ZSWIM5: variants seen among roughly 807,000 people sequenced by gnomAD.
The protein encoded by ZSWIM5 is zinc finger SWIM-type containing 5.
A neutral mutation model predicts 119.6 loss-of-function variants in ZSWIM5; 55 were observed. The observed-to-expected ratio is 0.46, with a 90% CI of 0.37 to 0.58. ZSWIM5 has a LOEUF of 0.58. ZSWIM5 is among the 20% of genes least tolerant of loss of function. ZSWIM5 has a pLI of 0.00. For synonymous variants in ZSWIM5, 537 were observed against 606.9 expected (o/e 0.88, Z 1.69); for missense variants, 1,193 against 1,512.8 (o/e 0.79, Z 3.51).
At chr1:45,079,005 A>C (rs1645271987) in intron 2 of ZSWIM5, among the ~76,000 whole-genome samples, 1 of 152,148 alleles carries the variant, frequency 6.6e-6, no homozygotes, top group African/African-American at 2.4e-5. Flanking sequence ...AGAAGTGAAA[A>C]TGGCTGGTTC....
Position 45,206,015 on chromosome 1 carries a change from G to A in ZSWIM5, c.336C>T (p.Tyr112=). Reference sequence around the variant, plus strand: ...GGCCGCCCCGGTACTGGAAGCTGGAGTACATGCAGATCTCCCGCTCATTCC... The same window carrying A: ...GGCCGCCCCGGTACTGGAAGCTGGAATACATGCAGATCTCCCGCTCATTCC... ...FPRNEREICM[Y]SSFQYRGGPG... is the part of the protein sequence containing the mutation. The change falls in exon 1 of 14, where the codon TAC becomes TAT. Residue 112 remains tyrosine (Y), a synonymous_variant. Transcript: ENST00000359600. The A allele has an allele frequency of 6.3e-7, 1 of 1,597,338 alleles. No homozygotes were observed.
At chr1:45,191,648 T>C (rs1485772175) in intron 1 of ZSWIM5, among the ~76,000 whole-genome samples, 2 of 152,120 alleles carry the variant, frequency 1.3e-5, no homozygotes, top group African/African-American at 2.4e-5. Flanking sequence ...GTCCTGAAAG[T>C]ACACAGAGAA....
chr1:45,180,853 A>G (rs1646013323), intron 1 of ZSWIM5, among the ~76,000 whole-genome samples: 1 of 152,142 alleles, frequency 6.6e-6, no homozygotes, highest in Non-Finnish European at 1.5e-5. Flanking sequence ...GCAAACTCCA[A>G]CAGACCTGCA....
intron 4 of ZSWIM5, 143 bp downstream of exon 4, chr1:45,058,466 T>C (rs1490788632): frequency 4.4e-6 from 4 of 911,924 alleles, no homozygotes; most frequent in Non-Finnish European, 4.9e-6. Flanking sequence ...AGTGTTACTC[T>C]GGGTGGCCTC....
intron 1 of ZSWIM5, among the ~76,000 whole-genome samples, chr1:45,125,482 TCAAAAAAAA>T (rs1405544574): frequency 1.6e-5 from 2 of 122,022 alleles, no homozygotes; most frequent in Non-Finnish European, 1.8e-5. Flanking sequence ...CTGCTTTACA[TCAAAAAAAA>T]CAAAAAAAAA....
intron 2 of ZSWIM5, chr1:45,069,999 A>C (rs902942832): frequency 6.0e-5 from 44 of 739,300 alleles, no homozygotes; most frequent in Middle Eastern, 3.0e-4. Context: ...ATAGACTGGC[A>C]GTTTCATTCT....
intron 1 of ZSWIM5, among the ~76,000 whole-genome samples, chr1:45,198,700 A>T (rs1646140573): frequency 6.6e-6 from 1 of 152,146 alleles, no homozygotes; most frequent in South Asian, 2.1e-4. Context: ...TTTGTTCCCT[A>T]ATCTTTAAAA....
intron 1 of ZSWIM5, among the ~76,000 whole-genome samples, chr1:45,098,613 T>G (rs1361713162): frequency 2.0e-5 from 3 of 152,102 alleles, no homozygotes; most frequent in Non-Finnish European, 4.4e-5. Flanking sequence ...CAGCACCACA[T>G]CGCACTTATT....
chr1:45,198,039 G>A (rs1281281745), intron 1 of ZSWIM5, among the ~76,000 whole-genome samples: 5 of 152,200 alleles, frequency 3.3e-5, no homozygotes, highest in African/African-American at 4.8e-5. Context: ...ATCAATTTGT[G>A]AGGAAAAACA....
chr1:45,052,777 C>A (rs953778204), intron 4 of ZSWIM5, among the ~76,000 whole-genome samples: 2 of 151,446 alleles, frequency 1.3e-5, no homozygotes, highest in Admixed American at 6.6e-5. Flanking sequence ...AAAGAAAAAA[C>A]CCTCATTTCT....
chr1:45,087,787 G>T, intron 2 of ZSWIM5, 94 bp downstream of exon 2: 1 of 856,132 alleles, frequency 1.2e-6, no homozygotes, highest in Non-Finnish European at 1.8e-6. Context: ...CTCTTAACAT[G>T]CAATAAAGCA....
Position 45,034,384 on chromosome 1 carries a change from G to A in ZSWIM5, c.2377C>T (p.Arg793Cys), listed in dbSNP as rs752628781. 6.2e-6 allele frequency: 10 copies of A among 1,613,934 alleles called. No individual in the cohort carries two copies. Among genetic ancestry groups the A allele is most frequent in the African/African-American group, 5.3e-5 (4 of 74,940 alleles). Residue 793 changes from arginine (R) to cysteine (C), a missense_variant, in exon 11 of 14, where the codon CGC becomes TGC. By Grantham distance (180) the Arg-to-Cys change is radical (BLOSUM62 -3). Around this residue, in one of 2 missense-constraint regions of ZSWIM5, gnomAD observed 961 missense variants for 1,290.0 expected, o/e 0.74. Transcript: ENST00000359600. ...MVSVVPSRYP[R>C]WFTLGHLESQ... ...TCCAAGTGTCCAAGCGTGAACCAGC[G>A]AGGATAACGGCTGGGCACCACAGAC...
Position 45,019,238 on chromosome 1 carries a change from G to A in ZSWIM5, c.2774C>T (p.Ala925Val). 2 of 1,613,752 alleles carry A rather than the reference G, an allele frequency of 1.2e-6. No individual in the cohort carries two copies. The highest frequency in any genetic ancestry group is 1.7e-6 in the Non-Finnish European group (2 of 1,180,024). ...TPTEATSIVA[A>V]TAVSHTTILR... ...GATAGTGGTGTGGGATACGGCTGTG[G>A]CAGCTACAATACTAGTAGCCTCAGT... Residue 925 changes from alanine (A) to valine (V), a missense_variant, in exon 14 of 14, where the codon GCC becomes GTC. Physicochemically the swap from Ala to Val is moderately conservative, Grantham distance 64. Around this residue, in one of 2 missense-constraint regions of ZSWIM5, gnomAD observed 961 missense variants for 1,290.0 expected, o/e 0.74. Transcript: ENST00000359600. The surrounding 1 kb of genome is among the most constrained non-coding windows in gnomAD (Gnocchi z 5.0).
chr1:45,036,365 T>G (rs1644984463), intron 8 of ZSWIM5, 66 bp from the exon 9 acceptor site: 1 of 1,529,868 alleles, frequency 6.5e-7, no homozygotes, highest in Non-Finnish European at 8.7e-7. Context: ...TTTTTTTTTT[T>G]TTTTTTTGAG....
chr1:45,031,025 C>G (rs1330976684), intron 11 of ZSWIM5, among the ~76,000 whole-genome samples: 3 of 151,754 alleles, frequency 2.0e-5, no homozygotes, highest in Admixed American at 2.0e-4. Context: ...TCTCTAACTC[C>G]TGACCTCAAG....
At position 45,097,765 on chromosome 1, in the gene ZSWIM5, G is replaced by C. The variant is rs1048197656; in HGVS notation, c.596-9528C>G. The stretch of plus-strand genomic sequence containing the variant: ...CACCCAGGCTGGAGTGCAGTGGTGC[G>C]ATCTCAGCTCACTGCAACCTCTGCC... On this transcript the variant is annotated intron_variant, in intron 1 of 13. Transcript: ENST00000359600. 3.9e-5 allele frequency among the ~76,000 whole-genome samples: 6 copies of C among 152,068 alleles called. No individual in the cohort carries two copies. The East Asian group carries it at 1.2e-3, about 29-fold the overall frequency.
intron 1 of ZSWIM5, among the ~76,000 whole-genome samples, chr1:45,121,016 C>G (rs992549701): frequency 2.0e-5 from 3 of 151,928 alleles, no homozygotes; most frequent in African/African-American, 7.2e-5. Context: ...GTGGCGCGAT[C>G]TCGGCTCACT....
In ZSWIM5 at chr1:45,018,301, G is replaced by T; in HGVS notation, c.*153C>A. 3.2e-6 allele frequency: 3 copies of T among 937,410 alleles called. No individual in the cohort carries two copies. Among genetic ancestry groups the T allele is most frequent in the Non-Finnish European group, 4.7e-6 (3 of 638,426 alleles). The allele number at this position is 937,410 out of a possible 1,614,324, so 58.1% of individuals were successfully genotyped here. A position where few individuals can be genotyped will look rare whatever the true frequency, so the allele number is the denominator to read the frequency against. ...GCCAAGGTAGGCATTATCGACTAGA[G>T]CTGGACTTTCCCCATCCTTAGCCCT... On this transcript the variant is annotated 3_prime_UTR_variant, in exon 14 of 14. Coordinates refer to ENST00000359600, the MANE Select transcript of ZSWIM5 (RefSeq NM_020883.2). The surrounding 1 kb of genome is among the most constrained non-coding windows in gnomAD (Gnocchi z 6.7).
chr1:45,033,486 T>C (rs1644964726), intron 11 of ZSWIM5, among the ~76,000 whole-genome samples: 1 of 152,182 alleles, frequency 6.6e-6, no homozygotes, highest in Non-Finnish European at 1.5e-5. Context: ...CTCCTTCTTA[T>C]ATAGGGGCTT....
Sources: gnomAD v4.1 joint callset for allele counts (sites outside exome capture counted in the v4.1 genomes callset) on GRCh38, gnomAD v4.1.1 for gene constraint, gnomAD v4.1.1 regional missense constraint, Gnocchi (gnomAD v3.1) non-coding constraint, MANE v1.5 for transcripts, NCBI Gene and HGNC (gene_info 2026-07-23, HGNC 2026-07-21) for gene names.